Variants in GET4 observed in about 807,000 individuals in gnomAD.
GET4 encodes guided entry of tail-anchored proteins factor 4, also known as Golgi to ER traffic protein 4 homolog.
In GET4, 20 loss-of-function variants were observed where a neutral mutation model predicts 40.0. The observed-to-expected ratio is 0.50, with a 90% CI of 0.35 to 0.73. The LOEUF (loss-of-function observed/expected upper bound fraction) is 0.73. Among genes scored for constraint, GET4 ranks in the 30% least tolerant of loss-of-function variants. The pLI is 0.01. For missense variants in GET4, 557 were observed against 454.0 expected (o/e 1.23, Z -2.06); for synonymous variants, 280 against 194.6 (o/e 1.44, Z -3.65).
chr7:883,825 G>A lies in GET4; in HGVS notation c.156-2231G>A, dbSNP rs370714735. ...CAGTACAGGAGGAGAAGCCGTCCAC[G>A]TTCAGAGCCGCCTTAGACGGTTTGC... On this transcript the variant is annotated intron_variant, in intron 1 of 8. Coordinates refer to ENST00000265857, the MANE Select transcript of GET4 (RefSeq NM_015949.3). 9 of 993,850 alleles carry A rather than the reference G, an allele frequency of 9.1e-6. No homozygotes were observed. In the African/African-American group the frequency reaches 1.2e-4, roughly 13 times the overall value. The allele number at this position is 993,850 out of a possible 1,614,324, so 61.6% of individuals were successfully genotyped here.
chr7:892,910 G>A (rs895122077), intron 6 of GET4, among the ~76,000 whole-genome samples: 1 of 151,750 alleles, frequency 6.6e-6, no homozygotes, highest in Non-Finnish European at 1.5e-5. Context: ...CTGTGGGGGT[G>A]TGCAGGTGTG....
At position 876,613 on chromosome 7, in the gene GET4, G is replaced by A. The variant is rs908873780; in HGVS notation, c.-33G>A. 3.1e-5 allele frequency: 36 copies of A among 1,170,812 alleles called. 1 individual carries two copies. Among genetic ancestry groups the A allele is most frequent in the Admixed American group, 4.7e-5 (1 of 21,204 alleles). The allele number at this position is 1,170,812 out of a possible 1,614,324, so 72.5% of individuals were successfully genotyped here. On this transcript the variant is annotated 5_prime_UTR_variant, in exon 1 of 9. Transcript: ENST00000265857. ...GGGAGGCGCTGCCGACCGCGCCTGC[G>A]ACAGCGTCAGCCCTGCGCGGAGCGC...
rs894908430 is a variant in GET4, at chr7:885,816, C to T, written c.156-240C>T. ...TCCAGGGTGAGGCTGCTTTCTGGCTCCTGGTGTATTTGGACACAGATAGGC... is the reference window on the plus strand; with the variant it reads ...TCCAGGGTGAGGCTGCTTTCTGGCTTCTGGTGTATTTGGACACAGATAGGC... On this transcript the variant is annotated intron_variant, in intron 1 of 8. Coordinates refer to ENST00000265857, the MANE Select transcript of GET4 (RefSeq NM_015949.3). The T allele has an allele frequency of 9.3e-5, 49 of 526,608 alleles. 2 individuals carry two copies. In the Admixed American group the frequency reaches 1.2e-3, roughly 13 times the overall value. 32.6% of individuals were successfully genotyped at this position (526,608 alleles called of 1,614,324 possible).
intron 1 of GET4, chr7:884,658 T>TGAAGAGGAGC (rs1181833153): frequency 4.9e-6 from 1 of 203,262 alleles, no homozygotes; most frequent in African/African-American, 2.4e-5. Flanking sequence ...AGGAGCCCTT[T>TGAAGAGGAGC]TCTGTGGTTA....
At chr7:877,202 GCT>G (rs145879127) in intron 1 of GET4, among the ~76,000 whole-genome samples, 103,652 of 130,420 alleles carry the variant, frequency 0.79, 41,150 homozygotes, top group East Asian at 0.99. Flanking sequence ...CCTTGGTCTC[GCT>G]CTCTCTCTCT....
At chr7:878,556 T>G (rs1486859208) in intron 1 of GET4, among the ~76,000 whole-genome samples, 4 of 151,388 alleles carry the variant, frequency 2.6e-5, no homozygotes, top group Admixed American at 6.6e-5. Flanking sequence ...TTTTCAGGGG[T>G]TTTTTCCTTT....
chr7:892,639 ATG>A (rs1477863554), intron 6 of GET4, among the ~76,000 whole-genome samples: 1 of 50,332 alleles, frequency 2.0e-5, no homozygotes, highest in Non-Finnish European at 5.0e-5. Flanking sequence ...GTGTGGGTGT[ATG>A]TGCAAGTGTA....
intron 1 of GET4, chr7:879,740 T>C (rs1026741656): frequency 1.3e-5 from 2 of 152,264 alleles, no homozygotes; most frequent in Non-Finnish European, 2.9e-5. Flanking sequence ...CCTCCTTAGA[T>C]GGAACTACTA....
In GET4 at chr7:886,614, G is replaced by C; in HGVS notation, c.280G>C (p.Glu94Gln). ...DLSMLVLESL[E>Q]KAEVEVADEL... ...GTCCATGCTGGTCCTGGAGTCCCTG[G>C]AGAAGGCGGAAGTGGAGGTGGCTGA... The change falls in exon 3 of 9, where the codon GAG becomes CAG. Residue 94 changes from glutamate to glutamine, a missense_variant. By Grantham distance (29) the Glu-to-Gln change is conservative. Transcript: ENST00000265857. The C allele has an allele frequency of 6.2e-7, 1 of 1,613,250 alleles. No individual in the cohort carries two copies. Among genetic ancestry groups the C allele is most frequent in the Non-Finnish European group, 8.5e-7 (1 of 1,179,780 alleles).
chr7:884,541 C>T (rs376335945), intron 1 of GET4: 511 of 360,710 alleles, frequency 1.4e-3, no homozygotes, highest in East Asian at 5.1e-3. Flanking sequence ...CTGTGCAGCA[C>T]GAAGCGGTCT....
At position 890,990 on chromosome 7, in the gene GET4, A is replaced by C; in HGVS notation, c.529A>C (p.Asn177His). ...CTCAGCGGACGGGGAGGGCTGTGCC[A>C]ACATGCTGGTGGAGTATTCCACGTC... ...LHSADGEGCANMLVEYSTSRG... is the reference protein window; with the variant it reads ...LHSADGEGCAHMLVEYSTSRG... The change falls in exon 5 of 9, where the codon AAC becomes CAC. Residue 177 changes from asparagine to histidine, a missense_variant. Physicochemically the swap from Asn to His is moderately conservative, Grantham distance 68 (BLOSUM62 1). Coordinates refer to ENST00000265857, the MANE Select transcript of GET4 (RefSeq NM_015949.3). The C allele has an allele frequency of 6.2e-7, 1 of 1,612,026 alleles. No individual in the cohort carries two copies. The highest frequency in any genetic ancestry group is 8.5e-7 in the Non-Finnish European group (1 of 1,178,298).
chr7:887,293 C>T, intron 3 of GET4, 77 bp from the exon 4 acceptor site: 3 of 1,428,142 alleles, frequency 2.1e-6, no homozygotes, highest in East Asian at 2.3e-5. Flanking sequence ...GAATGGAAAT[C>T]CACTTCTGTG....
chr7:892,527 G>A, intron 6 of GET4, 109 bp downstream of exon 6: 4 of 1,210,586 alleles, frequency 3.3e-6, no homozygotes, highest in South Asian at 1.4e-5. Context: ...CATGGTGTGG[G>A]TAGCCGTGTG....
Position 891,057 on chromosome 7 carries a change from C to T in GET4, c.596C>T (p.Ala199Val). ...GAGGTGGACATGTTCGTGGCCCAGG[C>T]CGTGCTACAGTAGGTGTCTGTGGCT... ...RSEVDMFVAQ[A>V]VLQFLCLKNK... The change falls in exon 5 of 9, where the codon GCC becomes GTC. Residue 199 changes from alanine to valine, a missense_variant. By Grantham distance (64) the Ala-to-Val change is moderately conservative. Coordinates refer to ENST00000265857, the MANE Select transcript of GET4 (RefSeq NM_015949.3). 1 of 1,602,704 alleles carries T rather than the reference C, an allele frequency of 6.2e-7. No individual in the cohort carries two copies. The highest frequency in any genetic ancestry group is 8.5e-7 in the Non-Finnish European group (1 of 1,172,256).
At chr7:878,800 C>T (rs1305120406) in intron 1 of GET4, among the ~76,000 whole-genome samples, 1 of 152,114 alleles carries the variant, frequency 6.6e-6, no homozygotes, top group Admixed American at 6.5e-5. Context: ...AGGCTGGTCT[C>T]GAACTCCTGA....
intron 1 of GET4, chr7:880,762 A>T (rs905744634): frequency 2.6e-5 from 4 of 152,252 alleles, no homozygotes; most frequent in African/African-American, 9.6e-5. Flanking sequence ...ACCCACTGAG[A>T]CACTGTCGTT....
chr7:884,387 G>A (rs1844146640), intron 1 of GET4: 1 of 1,295,220 alleles, frequency 7.7e-7, no homozygotes, highest in Non-Finnish European at 1.0e-6. Context: ...TCCTGCTGTG[G>A]TGTTGGGGTG....
chr7:886,089 G>A lies in GET4; in HGVS notation c.189G>A (p.Arg63=). The change falls in exon 2 of 9, where the codon CGG becomes CGA. Residue 63 remains arginine, a synonymous_variant. Coordinates refer to ENST00000265857, the MANE Select transcript of GET4 (RefSeq NM_015949.3). ...YMSQSKHTEA[R]ELMYSGALLF... is the part of the protein sequence containing the mutation. ...CCCAGAGCAAGCACACGGAGGCCCG[G>A]GAGCTCATGTACTCGGGAGCCCTGC... The A allele has an allele frequency of 6.2e-7, 1 of 1,610,412 alleles. No individual in the cohort carries two copies. Among genetic ancestry groups the A allele is most frequent in the Non-Finnish European group, 8.5e-7 (1 of 1,177,848 alleles).
At chr7:894,153 C>T (rs368366821) in intron 8 of GET4, among the ~76,000 whole-genome samples, 182 bp downstream of exon 8, 10 of 151,186 alleles carry the variant, frequency 6.6e-5, no homozygotes, top group East Asian at 1.9e-4. Context: ...AATTCTGGCA[C>T]GGTGGCTCGC....
Sources: gnomAD v4.1 joint callset for allele counts (sites outside exome capture counted in the v4.1 genomes callset) on GRCh38, gnomAD v4.1.1 for gene constraint, MANE v1.5 for transcripts, NCBI Gene and HGNC (gene_info 2026-07-23, HGNC 2026-07-21) for gene names.